Variants in EPB41L4A observed in about 807,000 individuals in gnomAD.
EPB41L4A encodes the protein erythrocyte membrane protein band 4.1 like 4A.
A neutral mutation model predicts 108.6 loss-of-function variants in EPB41L4A; 100 were observed. The observed-to-expected ratio is 0.92, with a 90% confidence interval of 0.78 to 1.09. The LOEUF (loss-of-function observed/expected upper bound fraction) is 1.09. EPB41L4A is among the 50% of genes least tolerant of loss of function. EPB41L4A has a pLI of 0.00. For synonymous variants in EPB41L4A, 319 were observed against 289.0 expected (o/e 1.10, Z -1.05); for missense variants, 1,030 against 842.7 (o/e 1.22, Z -2.75).
rs573882346 is a variant in EPB41L4A at position 112,163,016 on chromosome 5, T to G, written c.*1974A>C. 50 of 152,340 alleles carry G rather than the reference T, an allele frequency of 3.3e-4. No homozygotes were observed. The highest frequency in any genetic ancestry group is 1.2e-3 in the African/African-American group (49 of 41,576). The allele number at this position is 152,340 out of a possible 1,614,324, so 9.4% of individuals were successfully genotyped here. A position where few individuals can be genotyped will look rare whatever the true frequency, so the allele number is the denominator to read the frequency against. On this transcript the variant is annotated 3_prime_UTR_variant, in exon 23 of 23. Transcript: ENST00000261486. ...AGGTGAGAGTGTTACAAAATGAGGC[T>G]GAAGAGGTAGGTAAAGAAGCCAGAC...
chr5:112,399,947 T>A (rs115418998), intron 1 of EPB41L4A, among the ~76,000 whole-genome samples: 43 of 152,314 alleles, frequency 2.8e-4, no homozygotes, highest in Admixed American at 1.3e-3. Flanking sequence ...CTACCAGCCC[T>A]AGATTACATT....
upstream of EPB41L4A, chr5:112,419,695 C>T (rs1762976011): frequency 2.2e-6 from 1 of 456,588 alleles, no homozygotes; most frequent in Non-Finnish European, 4.4e-6. Flanking sequence ...GTCCGCTACC[C>T]CGTCCCCCAG....
intron 7 of EPB41L4A, among the ~76,000 whole-genome samples, chr5:112,260,771 G>T (rs1187100255): frequency 6.6e-6 from 1 of 152,178 alleles, no homozygotes; most frequent in Non-Finnish European, 1.5e-5. Flanking sequence ...AGCACTGTTT[G>T]TGAGAATGTT....
intron 12 of EPB41L4A, among the ~76,000 whole-genome samples, chr5:112,222,094 A>G (rs1748099604): frequency 6.6e-6 from 1 of 152,208 alleles, no homozygotes; most frequent in South Asian, 2.1e-4. Flanking sequence ...AGATGCCCCA[A>G]AGAACTTACA....
chr5:112,317,269 T>C (rs1000321195), intron 1 of EPB41L4A, among the ~76,000 whole-genome samples: 1 of 152,198 alleles, frequency 6.6e-6, no homozygotes, highest in African/African-American at 2.4e-5. Context: ...CAGTAAATCA[T>C]CTTGATCATC....
Position 112,168,746 on chromosome 5 carries a change from A to C in EPB41L4A, c.1925T>G (p.Val642Gly), listed in dbSNP as rs189409879. ...AACCTTACTATTACTAACCTGATGA[A>C]CTGTAGCATCCCCAGAACCCTGAGC... ...SDAQGSGDAT[V>G]HQRRNGSKDS... Residue 642 changes from valine to glycine, a missense_variant, in exon 22 of 23, where the codon GTT (valine) becomes GGT (glycine). Val to Gly is a moderately radical substitution (Grantham distance 109, BLOSUM62 -3). Coordinates refer to ENST00000261486, the MANE Select transcript of EPB41L4A (RefSeq NM_022140.5). The C allele has an allele frequency of 3.5e-4, 567 of 1,613,134 alleles. No homozygotes were observed. The highest frequency in any genetic ancestry group is 4.6e-4 in the Non-Finnish European group (544 of 1,179,084).
At chr5:112,187,241 C>T (rs1231113920) in intron 17 of EPB41L4A, among the ~76,000 whole-genome samples, 2 of 152,160 alleles carry the variant, frequency 1.3e-5, no homozygotes, top group Non-Finnish European at 2.9e-5. Context: ...AATAAACTAA[C>T]AAACATTTAT....
chr5:112,235,010 T>C (rs949328826), intron 11 of EPB41L4A, among the ~76,000 whole-genome samples: 1 of 152,146 alleles, frequency 6.6e-6, no homozygotes, highest in Admixed American at 6.5e-5. Flanking sequence ...AGGAATTAGA[T>C]TTCAGTAGAA....
At chr5:112,274,816 A>C (rs2150489383) in intron 4 of EPB41L4A, among the ~76,000 whole-genome samples, 1 of 152,320 alleles carries the variant, frequency 6.6e-6, no homozygotes, top group South Asian at 2.1e-4. Context: ...TTTGGTGACA[A>C]AGGTGAAGTA....
intron 13 of EPB41L4A, among the ~76,000 whole-genome samples, chr5:112,145,481 C>T (rs1184987394): frequency 6.6e-6 from 1 of 152,200 alleles, no homozygotes; most frequent in East Asian, 1.9e-4. Context: ...TAAGTTAACT[C>T]TGCTGACAGC....
intron 16 of EPB41L4A, among the ~76,000 whole-genome samples, chr5:112,194,891 T>A (rs1580407025): frequency 1.3e-5 from 2 of 152,280 alleles, no homozygotes; most frequent in African/African-American, 4.8e-5. Context: ...TGAATGTCAG[T>A]ATGTTCCCAG....
At position 112,318,969 on chromosome 5, in the gene EPB41L4A, C is replaced by T. The variant is rs145997287; in HGVS notation, c.100-11479G>A. Among the ~76,000 whole-genome samples the T allele has an allele frequency of 6.7e-3, 1,015 of 152,278 alleles. 9 individuals carry two copies. The highest frequency in any genetic ancestry group is 0.01 in the Non-Finnish European group (691 of 68,032). On this transcript the variant is annotated intron_variant, in intron 1 of 22. Transcript: ENST00000261486. ...CCCTTGTTTATGGGTTACCATGAAGCACGTCCCCAGGTATTGTCACATTAG... is the reference window on the plus strand; with the variant it reads ...CCCTTGTTTATGGGTTACCATGAAGTACGTCCCCAGGTATTGTCACATTAG...
intron 1 of EPB41L4A, among the ~76,000 whole-genome samples, chr5:112,366,511 T>A (rs451904): frequency 0.063 from 9,551 of 151,920 alleles, 323 homozygotes; most frequent in African/African-American, 0.075. Context: ...GTGGGAGGTA[T>A]CATCAGAATC....
At chr5:112,390,690 G>T (rs984617327) in intron 1 of EPB41L4A, among the ~76,000 whole-genome samples, 1 of 152,136 alleles carries the variant, frequency 6.6e-6, no homozygotes, top group Non-Finnish European at 1.5e-5. Context: ...TCTGAAGAGA[G>T]CAGTGGTTCT....
At chr5:112,243,138 C>T (rs1244323193) in intron 9 of EPB41L4A, among the ~76,000 whole-genome samples, 1 of 149,530 alleles carries the variant, frequency 6.7e-6, no homozygotes, top group Non-Finnish European at 1.5e-5. Context: ...GGCTTGAATC[C>T]GGGAGGCAGA....
chr5:112,147,780 G>A (rs962307459), intron 12 of EPB41L4A, among the ~76,000 whole-genome samples: 5 of 151,538 alleles, frequency 3.3e-5, no homozygotes, highest in Admixed American at 6.6e-5. Flanking sequence ...CCTGGCTTTT[G>A]ATAAAAACAG....
At chr5:112,188,269 A>C (rs1761523271) in intron 17 of EPB41L4A, among the ~76,000 whole-genome samples, 1 of 151,898 alleles carries the variant, frequency 6.6e-6, no homozygotes, top group South Asian at 2.1e-4. Flanking sequence ...GGTTCCAGGC[A>C]TGTGTCGACA....
intron 1 of EPB41L4A, among the ~76,000 whole-genome samples, chr5:112,358,729 A>C (rs930724595): frequency 1.3e-5 from 2 of 152,260 alleles, no homozygotes; most frequent in African/African-American, 4.8e-5. Flanking sequence ...AAATGAGTGC[A>C]TATATCCAGC....
At position 112,259,237 on chromosome 5, in the gene EPB41L4A, C is replaced by G. The variant is rs1233685519; in HGVS notation, c.787G>C (p.Gly263Arg). ...KETQFELRVLGKDCNETSFFF... is the reference protein window; with the variant it reads ...KETQFELRVLRKDCNETSFFF... ...AGGGCTTGGAAACTTACATCTTTTC[C>G]CAGTACTCTGAGTTCAAATTGAGTC... Residue 263 changes from glycine to arginine, a missense_variant, in exon 9 of 23, where the codon GGA (glycine) becomes CGA (arginine). Gly to Arg is a moderately radical substitution (Grantham distance 125). Transcript: ENST00000261486. 1.9e-6 allele frequency: 3 copies of G among 1,613,306 alleles called. No individual in the cohort carries two copies. Among genetic ancestry groups the G allele is most frequent in the African/African-American group, 1.3e-5 (1 of 74,904 alleles).
Sources: gnomAD v4.1 joint callset for allele counts (sites outside exome capture counted in the v4.1 genomes callset) on GRCh38, gnomAD v4.1.1 for gene constraint, MANE v1.5 for transcripts, NCBI Gene and HGNC (gene_info 2026-07-23, HGNC 2026-07-21) for gene names.